Variants in IPMK observed in about 807,000 individuals in gnomAD.
IPMK encodes the protein inositol polyphosphate multikinase, also known as inositol 1,3,4,6-tetrakisphosphate 5-kinase.
IPMK carries 17 observed loss-of-function variants against 45.8 expected under a neutral mutation model. The observed-to-expected ratio is 0.37, with a 90% confidence interval of 0.25 to 0.56. IPMK has a LOEUF of 0.56. Among genes scored for constraint, IPMK ranks in the 20% least tolerant of loss-of-function variants. IPMK has a pLI of 0.79. For synonymous variants in IPMK, 180 were observed against 184.3 expected (o/e 0.98, Z 0.19); for missense variants, 399 against 498.0 (o/e 0.80, Z 1.89).
chr10:58,251,839 T>C (rs1012263927), intron 1 of IPMK, among the ~76,000 whole-genome samples: 2 of 152,238 alleles, frequency 1.3e-5, no homozygotes, highest in African/African-American at 4.8e-5. Context: ...GGAATATCTT[T>C]CTATCCCTTT....
chr10:58,207,616 C>T (rs1255500525), intron 4 of IPMK, among the ~76,000 whole-genome samples: 3 of 152,256 alleles, frequency 2.0e-5, no homozygotes, highest in African/African-American at 2.4e-5. Context: ...GATAACCCAT[C>T]GAGTGCTGTC....
chr10:58,251,465 T>C (rs1271497681), intron 1 of IPMK, among the ~76,000 whole-genome samples: 1 of 139,144 alleles, frequency 7.2e-6, no homozygotes, highest in Non-Finnish European at 1.5e-5. Context: ...TGCAACTGTT[T>C]ACTGCAATAT....
intron 3 of IPMK, among the ~76,000 whole-genome samples, chr10:58,226,823 T>C (rs778017277): frequency 1.1e-4 from 16 of 152,166 alleles, no homozygotes; most frequent in Non-Finnish European, 2.1e-4. Flanking sequence ...CATTCAACTA[T>C]AAGAGATTGG....
chr10:58,221,234 C>A (rs897046786), intron 3 of IPMK, among the ~76,000 whole-genome samples: 5 of 152,196 alleles, frequency 3.3e-5, no homozygotes, highest in Non-Finnish European at 5.9e-5. Flanking sequence ...AATCTGACCA[C>A]TAACCTCAAG....
chr10:58,247,112 T>C (rs1190881700), intron 1 of IPMK, among the ~76,000 whole-genome samples: 6,936 of 143,064 alleles, frequency 0.048, 473 homozygotes, highest in African/African-American at 0.16. Context: ...GAGAGACCAT[T>C]TCACACCAGT....
intron 3 of IPMK, among the ~76,000 whole-genome samples, chr10:58,223,773 TC>T (rs932815974): frequency 2.1e-4 from 32 of 152,092 alleles, no homozygotes; most frequent in African/African-American, 6.8e-4. Context: ...TGGGGTGTTT[TC>T]CCCCAAGCTG....
At chr10:58,219,998 G>T (rs1838306917) in intron 3 of IPMK, among the ~76,000 whole-genome samples, 1 of 152,198 alleles carries the variant, frequency 6.6e-6, no homozygotes, top group Non-Finnish European at 1.5e-5. Context: ...CAGTCCTACA[G>T]AAGTGGTCCC....
intron 2 of IPMK, among the ~76,000 whole-genome samples, chr10:58,235,148 A>T (rs1246657907): frequency 6.6e-6 from 1 of 152,242 alleles, no homozygotes; most frequent in Admixed American, 6.5e-5. Context: ...AATGGCAATC[A>T]TTAAAAAGTC....
chr10:58,202,043 C>T (rs1461905813), intron 4 of IPMK, among the ~76,000 whole-genome samples: 1 of 152,160 alleles, frequency 6.6e-6, no homozygotes, highest in Non-Finnish European at 1.5e-5. Context: ...GGTTCATAGA[C>T]CCTAGCAGAA....
chr10:58,199,129 A>G, intron 5 of IPMK, 111 bp downstream of exon 5: 1 of 622,286 alleles, frequency 1.6e-6, no homozygotes, highest in Non-Finnish European at 2.7e-6. Flanking sequence ...TATTATTTAA[A>G]AAATGTTTAT....
chr10:58,197,691 G>C (rs1419111909), intron 5 of IPMK, among the ~76,000 whole-genome samples: 1 of 148,896 alleles, frequency 6.7e-6, no homozygotes, highest in African/African-American at 2.5e-5. Context: ...AAAAGAAATA[G>C]GATTCAAGAC....
chr10:58,235,722 G>A (rs1838600745), intron 2 of IPMK, among the ~76,000 whole-genome samples: 1 of 152,096 alleles, frequency 6.6e-6, no homozygotes, highest in Non-Finnish European at 1.5e-5. Context: ...ATGACGAGTT[G>A]ATGGGTGCAG....
intron 3 of IPMK, among the ~76,000 whole-genome samples, chr10:58,221,312 GACT>G (rs1007169789): frequency 2.0e-5 from 3 of 151,106 alleles, no homozygotes; most frequent in Non-Finnish European, 4.4e-5. Flanking sequence ...CATCCTCTGA[GACT>G]ACTATTTCAT....
intron 1 of IPMK, among the ~76,000 whole-genome samples, chr10:58,238,834 C>G (rs186339151): frequency 0.017 from 2,557 of 150,496 alleles, 34 homozygotes; most frequent in Middle Eastern, 0.031. Flanking sequence ...ATACAGAAAT[C>G]AAGTTTGTTT....
chr10:58,227,016 G>A lies in IPMK; in HGVS notation c.373+27C>T, dbSNP rs747356371. 3.3e-6 allele frequency: 5 copies of A among 1,497,276 alleles called. No individual in the cohort carries two copies. In the Admixed American group the frequency reaches 8.6e-5, roughly 26 times the overall value. The allele number at this position is 1,497,276 out of a possible 1,614,324, so 92.7% of individuals were successfully genotyped here. On this transcript the variant is annotated intron_variant, in intron 3 of 5. Coordinates refer to ENST00000373935, the MANE Select transcript of IPMK (RefSeq NM_152230.5). ...GAAGCTACACTCATGAATTAAAACTGAAAGATAATTTTTATGACAAGATTA... is the reference window on the plus strand; with the variant it reads ...GAAGCTACACTCATGAATTAAAACTAAAAGATAATTTTTATGACAAGATTA...
At chr10:58,256,919 G>A (rs1838977177) in intron 1 of IPMK, among the ~76,000 whole-genome samples, 1 of 152,080 alleles carries the variant, frequency 6.6e-6, no homozygotes, top group East Asian at 1.9e-4. Flanking sequence ...ATGAAAATTA[G>A]CCACGCATGT....
intron 2 of IPMK, among the ~76,000 whole-genome samples, chr10:58,229,001 G>A (rs778874038): frequency 1.3e-5 from 2 of 152,122 alleles, no homozygotes; most frequent in African/African-American, 2.4e-5. Flanking sequence ...ACTCAGGGAT[G>A]AGGCAGAGCT....
At chr10:58,235,831 AAAAG>A (rs1180536506) in intron 2 of IPMK, among the ~76,000 whole-genome samples, 10 of 152,182 alleles carry the variant, frequency 6.6e-5, no homozygotes, top group African/African-American at 2.4e-4. Context: ...AAAAAAAAGA[AAAAG>A]AAAGAGAGAG....
At chr10:58,217,571 CCAACTACTCGGGAGGCTGAGG>C (rs1283300189) in intron 3 of IPMK, among the ~76,000 whole-genome samples, 1 of 150,706 alleles carries the variant, frequency 6.6e-6, no homozygotes, top group African/African-American at 2.4e-5. Context: ...GCCTGTAATC[CCAACTACTCGGGAGGCTGAGG>C]CAGGAGAATG....
Sources: gnomAD v4.1 joint callset for allele counts (sites outside exome capture counted in the v4.1 genomes callset) on GRCh38, gnomAD v4.1.1 for gene constraint, MANE v1.5 for transcripts, NCBI Gene and HGNC (gene_info 2026-07-23, HGNC 2026-07-21) for gene names.